Variants in RBFOX1 observed in about 807,000 individuals in gnomAD.
RBFOX1 encodes RNA binding fox-1 homolog 1.
Under a neutral mutation model 57.7 loss-of-function variants are expected in RBFOX1, and 8 were observed. The observed-to-expected ratio is 0.14, with a 90% confidence interval of 0.08 to 0.25. The LOEUF (loss-of-function observed/expected upper bound fraction) is 0.25. RBFOX1 is among the 10% of genes least tolerant of loss of function. The pLI is 1.00. For synonymous variants in RBFOX1, 326 were observed against 222.4 expected, an observed-to-expected ratio of 1.47 and a Z score of -4.15; for missense variants, 611 against 548.5, an observed-to-expected ratio of 1.11 and a Z score of -1.14.
At chr16:7,350,691 A>C (rs1331994145) in intron 4 of RBFOX1, among the ~76,000 whole-genome samples, 4 of 152,190 alleles carry the variant, frequency 2.6e-5, no homozygotes, top group African/African-American at 9.7e-5. Context: ...TCCATATTTC[A>C]TGCTGCCATT....
At chr16:7,184,863 C>A (rs1250374314) in intron 4 of RBFOX1, among the ~76,000 whole-genome samples, 2 of 152,122 alleles carry the variant, frequency 1.3e-5, no homozygotes, top group African/African-American at 4.8e-5. Context: ...TGAAGTGTTA[C>A]TAACACTATT....
intron 2 of RBFOX1, among the ~76,000 whole-genome samples, chr16:6,648,144 C>T (rs184036662): frequency 6.6e-6 from 1 of 152,206 alleles, no homozygotes; most frequent in East Asian, 1.9e-4. Flanking sequence ...CACCCGGCTT[C>T]AAGTGATCCT....
At chr16:7,161,527 A>G (rs2078317795) in intron 4 of RBFOX1, among the ~76,000 whole-genome samples, 1 of 152,184 alleles carries the variant, frequency 6.6e-6, no homozygotes, top group South Asian at 2.1e-4. Flanking sequence ...CCTATTTTAC[A>G]GATTCAGAAA....
rs149952630 is a variant in RBFOX1, at chr16:6,646,181, G to T, written c.-63-8422G>T. Among the ~76,000 whole-genome samples the T allele has an allele frequency of 3.4e-3, 518 of 152,174 alleles. 6 individuals are homozygous for T. Among genetic ancestry groups the T allele is most frequent in the African/African-American group, 0.011 (464 of 41,514 alleles). On this transcript the variant is annotated intron_variant, in intron 2 of 15. Transcript: ENST00000550418. ...ACTTGACGAGTCTGGTTCAGAAAAG[G>T]TCAGGTCGGAACCCACCCAGAGACA...
At chr16:5,644,635 A>G (rs1180761899) in intron 3 of RBFOX1, among the ~76,000 whole-genome samples, 1 of 152,130 alleles carries the variant, frequency 6.6e-6, no homozygotes, top group South Asian at 2.1e-4. Context: ...CTGATTCACA[A>G]TTTTTTCCTC....
intron 3 of RBFOX1, among the ~76,000 whole-genome samples, chr16:6,729,875 A>G (rs971335547): frequency 1.3e-5 from 2 of 152,208 alleles, no homozygotes; most frequent in Non-Finnish European, 2.9e-5. Flanking sequence ...AGCTGCTTAG[A>G]AACGAGAATG....
intron 3 of RBFOX1, among the ~76,000 whole-genome samples, chr16:6,864,189 T>G (rs1340529596): frequency 6.6e-6 from 1 of 152,122 alleles, no homozygotes; most frequent in African/African-American, 2.4e-5. Context: ...TCCCATTACA[T>G]AAATAATTCA....
At chr16:5,504,838 G>A (rs995859128) in intron 2 of RBFOX1, among the ~76,000 whole-genome samples, 1 of 152,202 alleles carries the variant, frequency 6.6e-6, no homozygotes, top group Non-Finnish European at 1.5e-5. Context: ...TGGCATGAGG[G>A]CTTGCTGACC....
intron 10 of RBFOX1, among the ~76,000 whole-genome samples, chr16:7,609,055 A>C (rs2056909410): frequency 6.6e-6 from 1 of 152,222 alleles, no homozygotes. Context: ...GCAAAGCTGC[A>C]AGGAAATCAA....
At chr16:6,908,784 C>G (rs993683904) in intron 3 of RBFOX1, among the ~76,000 whole-genome samples, 4 of 152,162 alleles carry the variant, frequency 2.6e-5, no homozygotes, top group Non-Finnish European at 5.9e-5. Context: ...TGCTTACTGT[C>G]TCTCTGCCCA....
At chr16:5,861,114 C>G (rs1224463639) in intron 3 of RBFOX1, among the ~76,000 whole-genome samples, 1 of 152,184 alleles carries the variant, frequency 6.6e-6, no homozygotes. Flanking sequence ...ATTCTATCAC[C>G]AGGAGAGTTT....
intron 3 of RBFOX1, among the ~76,000 whole-genome samples, chr16:6,751,295 G>C (rs1036299394): frequency 6.6e-6 from 1 of 152,098 alleles, no homozygotes; most frequent in Non-Finnish European, 1.5e-5. Context: ...GGAGGAAGTT[G>C]GCAGTGGTAC....
intron 4 of RBFOX1, among the ~76,000 whole-genome samples, chr16:7,136,957 C>G (rs901726419): frequency 1.3e-5 from 2 of 152,162 alleles, no homozygotes; most frequent in Non-Finnish European, 2.9e-5. Flanking sequence ...GCCCATGGGC[C>G]AGGACTGGAT....
intron 3 of RBFOX1, among the ~76,000 whole-genome samples, chr16:6,669,082 G>T (rs2098749195): frequency 6.6e-6 from 1 of 152,154 alleles, no homozygotes; most frequent in Non-Finnish European, 1.5e-5. Flanking sequence ...CTATCCAAAT[G>T]TGATTTATGT....
intron 3 of RBFOX1, among the ~76,000 whole-genome samples, chr16:5,812,327 G>A (rs1229146812): frequency 6.6e-6 from 1 of 152,116 alleles, no homozygotes; most frequent in Non-Finnish European, 1.5e-5. Context: ...ATCATTTGTA[G>A]GTGAATATTT....
intron 4 of RBFOX1, among the ~76,000 whole-genome samples, chr16:7,507,565 C>T (rs1876336): frequency 0.7 from 92,648 of 131,986 alleles, 35,264 homozygotes; most frequent in Non-Finnish European, 0.87. Context: ...TTCTTTCTTT[C>T]TTTTTTTTTT....
chr16:5,572,625 A>G (rs1315861997), intron 2 of RBFOX1, among the ~76,000 whole-genome samples: 3 of 152,220 alleles, frequency 2.0e-5, no homozygotes, highest in Non-Finnish European at 2.9e-5. Flanking sequence ...TGCAGCGGGA[A>G]GAGAGAATCT....
intron 5 of RBFOX1, among the ~76,000 whole-genome samples, chr16:7,521,639 A>G (rs925443333): frequency 6.6e-6 from 1 of 152,188 alleles, no homozygotes; most frequent in African/African-American, 2.4e-5. Context: ...AGAATATAGG[A>G]TTTGTTTTCT....
rs71142659 is a variant in RBFOX1, at chr16:5,969,298, C to CTTTTTTTTTTTTTTT, written c.351+101974_351+101988dup. On this transcript the variant is annotated intron_variant, in intron 4 of 19. Transcript: ENST00000641259. ...ATGCCTGTGATTATTTTCGGTTGTT[C>CTTTTTTTTTTTTTTT]TTTTTTTTTTTTTTTTTTTTTTTTT... 1.2e-4 allele frequency among the ~76,000 whole-genome samples: 10 copies of CTTTTTTTTTTTTTTT among 83,750 alleles called. 1 individual carries two copies. Among genetic ancestry groups the CTTTTTTTTTTTTTTT allele is most frequent in the Non-Finnish European group, 1.9e-4 (9 of 47,572 alleles). 54.9% of individuals were successfully genotyped at this position (83,750 alleles called of 152,430 possible).
Sources: allele counts gnomAD v4.1 joint callset (sites outside exome capture counted in the v4.1 genomes callset), GRCh38; gene constraint gnomAD v4.1.1; transcripts MANE v1.5; gene names NCBI Gene and HGNC (gene_info 2026-07-23, HGNC 2026-07-21).